The following CYP39A1 variants were observed in gnomAD, a reference collection of about 807,000 sequenced individuals.
CYP39A1 encodes cytochrome P450 family 39 subfamily A member 1.
Under a neutral mutation model 58.1 loss-of-function variants are expected in CYP39A1, and 49 were observed. That is an observed-to-expected ratio of 0.84 (90% CI 0.67 to 1.07). CYP39A1 has a LOEUF of 1.07. Among genes scored for constraint, CYP39A1 ranks in the 50% least tolerant of loss-of-function variants. CYP39A1 has a pLI of 0.00. For synonymous variants in CYP39A1, 209 were observed against 187.6 expected, an observed-to-expected ratio of 1.11 and a Z score of -0.93; for missense variants, 531 against 539.4, an observed-to-expected ratio of 0.98 and a Z score of 0.16.
intron 1 of CYP39A1, among the ~76,000 whole-genome samples, chr6:46,645,268 A>G (rs1392371595): frequency 2.6e-5 from 4 of 152,106 alleles, no homozygotes; most frequent in African/African-American, 9.7e-5. Context: ...TTATATCTTT[A>G]TGTTTTACAT....
intron 8 of CYP39A1, among the ~76,000 whole-genome samples, chr6:46,589,152 C>T (rs909896117): frequency 6.6e-6 from 1 of 152,024 alleles, no homozygotes; most frequent in African/African-American, 2.4e-5. Context: ...AAACACCTTA[C>T]AATTAAAAAC....
At chr6:46,614,434 T>A (rs1016542126) in intron 7 of CYP39A1, among the ~76,000 whole-genome samples, 1 of 152,206 alleles carries the variant, frequency 6.6e-6, no homozygotes, top group Non-Finnish European at 1.5e-5. Flanking sequence ...GATTCATGGC[T>A]TTCACAGTTC....
chr6:46,629,335 T>C (rs1317925738), intron 6 of CYP39A1, among the ~76,000 whole-genome samples: 2 of 152,254 alleles, frequency 1.3e-5, no homozygotes, highest in African/African-American at 4.8e-5. Flanking sequence ...AATAATTCTT[T>C]GACAGGAGTG....
intron 10 of CYP39A1, among the ~76,000 whole-genome samples, chr6:46,555,192 G>A (rs1371502303): frequency 1.3e-5 from 2 of 152,108 alleles, no homozygotes; most frequent in African/African-American, 2.4e-5. Flanking sequence ...CTCTAGCCAC[G>A]TTATATTACT....
intron 7 of CYP39A1, among the ~76,000 whole-genome samples, chr6:46,616,991 G>A (rs989538867): frequency 6.6e-6 from 1 of 152,072 alleles, no homozygotes; most frequent in Non-Finnish European, 1.5e-5. Flanking sequence ...GGTAATTAGG[G>A]GGGTTGGGAT....
At chr6:46,568,630 A>G (rs1025287108) in intron 10 of CYP39A1, among the ~76,000 whole-genome samples, 2 of 152,098 alleles carry the variant, frequency 1.3e-5, no homozygotes, top group Non-Finnish European at 2.9e-5. Flanking sequence ...TCCCAGCGCC[A>G]TTCATTGAAA....
At chr6:46,632,288 A>G (rs1162646511) in intron 5 of CYP39A1, among the ~76,000 whole-genome samples, 1 of 152,196 alleles carries the variant, frequency 6.6e-6, no homozygotes, top group Non-Finnish European at 1.5e-5. Flanking sequence ...GATCAATAAC[A>G]ATATTGGACA....
chr6:46,588,729 G>A (rs1772631567), intron 8 of CYP39A1, among the ~76,000 whole-genome samples: 1 of 152,114 alleles, frequency 6.6e-6, no homozygotes, highest in South Asian at 2.1e-4. Flanking sequence ...AAAAACGACT[G>A]GTTAGGAAGA....
In CYP39A1 at chr6:46,587,154, T is replaced by C; in HGVS notation, c.1173A>G (p.Lys391=). The C allele has an allele frequency of 6.2e-7, 1 of 1,609,310 alleles. No individual in the cohort carries two copies. The highest frequency in any genetic ancestry group is 8.5e-7 in the Non-Finnish European group (1 of 1,177,330). ...AAGAGTGCTTCTCTAAATTTGCCTT[T>C]TTCCAACGTTCCTGTGGGAAGAAAA... ...EPELFKPERW[K]KANLEKHSFL... Residue 391 remains lysine, a synonymous_variant, in exon 10 of 12, where the codon AAA becomes AAG. Coordinates refer to ENST00000275016, the MANE Select transcript of CYP39A1 (RefSeq NM_016593.5).
chr6:46,557,158 C>T (rs879895235), intron 10 of CYP39A1, among the ~76,000 whole-genome samples: 3 of 151,456 alleles, frequency 2.0e-5, no homozygotes, highest in Non-Finnish European at 4.4e-5. Flanking sequence ...AAATGAAGTA[C>T]ACAGAATAAA....
intron 10 of CYP39A1, among the ~76,000 whole-genome samples, chr6:46,570,884 A>T (rs1771553501): frequency 6.6e-6 from 1 of 152,204 alleles, no homozygotes. Flanking sequence ...TCACATTTCA[A>T]CATGAGATTT....
chr6:46,615,706 A>G (rs1774492859), intron 7 of CYP39A1, among the ~76,000 whole-genome samples: 1 of 151,818 alleles, frequency 6.6e-6, no homozygotes, highest in Non-Finnish European at 1.5e-5. Flanking sequence ...ACCATTTTTT[A>G]GAAATGTGCT....
intron 7 of CYP39A1, among the ~76,000 whole-genome samples, chr6:46,606,982 T>C (rs1395059431): frequency 6.6e-6 from 1 of 152,188 alleles, no homozygotes; most frequent in Non-Finnish European, 1.5e-5. Context: ...GATCACTTCA[T>C]TTATTCCTCA....
rs147961800 is a variant in CYP39A1 at position 46,596,042 on chromosome 6, C to T, written c.1010G>A (p.Arg337His). Residue 337 changes from arginine (R) to histidine (H), a missense_variant, in exon 8 of 12, where the codon CGT (arginine) becomes CAT (histidine). Physicochemically the swap from Arg to His is conservative, Grantham distance 29. Coordinates refer to ENST00000275016, the MANE Select transcript of CYP39A1 (RefSeq NM_016593.5). ...LIKWCVLETI[R>H]LKAPGVITRK... ...AGTAATGACACCAGGAGCTTTTAAA[C>T]GAATGGTTTCCAAAACACACCATTT... 1,893 of 1,611,804 alleles carry T rather than the reference C, an allele frequency of 1.2e-3. 2 individuals are homozygous for T. Among genetic ancestry groups the T allele is most frequent in the Middle Eastern group, 4.8e-3 (29 of 6,044 alleles).
chr6:46,618,953 C>T (rs1159201783), intron 7 of CYP39A1, among the ~76,000 whole-genome samples: 2 of 152,060 alleles, frequency 1.3e-5, no homozygotes, highest in Non-Finnish European at 2.9e-5. Flanking sequence ...CAATATTCCT[C>T]TGCCTTAATC....
chr6:46,643,728 G>A (rs1013490399), intron 1 of CYP39A1, among the ~76,000 whole-genome samples: 5 of 152,154 alleles, frequency 3.3e-5, no homozygotes, highest in African/African-American at 7.2e-5. Flanking sequence ...ATATAACTGC[G>A]GAGTAAAAGA....
chr6:46,635,817 C>G (rs1017966316), intron 5 of CYP39A1, among the ~76,000 whole-genome samples: 5 of 152,144 alleles, frequency 3.3e-5, no homozygotes, highest in Non-Finnish European at 7.3e-5. Context: ...CCTGCGTCGG[C>G]CCCCCAAAGT....
At chr6:46,557,829 G>C (rs1770734788) in intron 10 of CYP39A1, among the ~76,000 whole-genome samples, 1 of 149,498 alleles carries the variant, frequency 6.7e-6, no homozygotes, top group South Asian at 2.1e-4. Context: ...CCCAGCTACT[G>C]CGGAGGCTGA....
chr6:46,551,741 G>A (rs374336784), intron 11 of CYP39A1, among the ~76,000 whole-genome samples: 70 of 152,172 alleles, frequency 4.6e-4, no homozygotes, highest in African/African-American at 1.1e-3. Context: ...CCTGACAACA[G>A]AGTGTTCAGG....
Sources: gnomAD v4.1 joint callset for allele counts (sites outside exome capture counted in the v4.1 genomes callset) on GRCh38, gnomAD v4.1.1 for gene constraint, MANE v1.5 for transcripts, NCBI Gene and HGNC (gene_info 2026-07-23, HGNC 2026-07-21) for gene names.